AVEN: variants seen among roughly 807,000 people sequenced by gnomAD.
AVEN encodes the protein apoptosis and caspase activation inhibitor.
AVEN carries 41 observed loss-of-function variants against 38.1 expected under a neutral mutation model. The ratio of observed to expected loss-of-function variants is 1.08; its 90% CI spans 0.84 to 1.40. AVEN has a LOEUF of 1.40. AVEN is among the 40% of genes most tolerant of loss of function. AVEN has a pLI of 0.00. For missense variants in AVEN, 605 were observed against 438.8 expected, an observed-to-expected ratio of 1.38 and a Z score of -3.38; for synonymous variants, 206 against 171.8, an observed-to-expected ratio of 1.20 and a Z score of -1.56.
At chr15:33,894,897 C>G (rs1455511591) in intron 2 of AVEN, among the ~76,000 whole-genome samples, 1 of 150,276 alleles carries the variant, frequency 6.7e-6, no homozygotes, top group East Asian at 2.0e-4. Flanking sequence ...TTCCACACAA[C>G]TTTTTCCTAA....
At chr15:33,925,958 C>T (rs1238869612) in intron 2 of AVEN, among the ~76,000 whole-genome samples, 2 of 152,090 alleles carry the variant, frequency 1.3e-5, no homozygotes, top group Non-Finnish European at 2.9e-5. Context: ...ATGCCTTCTC[C>T]GCAAATGAAG....
intron 2 of AVEN, among the ~76,000 whole-genome samples, chr15:33,978,165 G>A (rs1029331164): frequency 2.6e-5 from 4 of 152,060 alleles, no homozygotes; most frequent in Admixed American, 2.6e-4. Context: ...CATGAAGAAA[G>A]AGGAAATTTC....
intron 5 of AVEN, among the ~76,000 whole-genome samples, chr15:34,048,700 GCAGC>G (rs1475183406): frequency 2.0e-5 from 3 of 152,146 alleles, no homozygotes; most frequent in Non-Finnish European, 4.4e-5. Flanking sequence ...CTACCAAAAA[GCAGC>G]CAGACTGCTT....
chr15:33,995,502 A>G (rs181119391), intron 2 of AVEN, among the ~76,000 whole-genome samples: 268 of 152,316 alleles, frequency 1.8e-3, no homozygotes, highest in Non-Finnish European at 2.8e-3. Context: ...TGGTATCCAC[A>G]GGCGTCCTGA....
exon 12 of AVEN, chr15:33,859,063 C>G (rs1294193070): frequency 6.5e-6 from 1 of 154,048 alleles, no homozygotes; most frequent in Non-Finnish European, 1.4e-5. Context: ...GGGTGCCCTG[C>G]TCAGGGAGCC....
At chr15:33,865,320 C>CAGCAACATATCTGAAATGTGAA, downstream of AVEN, 1 of 841,478 alleles carries the variant, frequency 1.2e-6, no homozygotes, top group African/African-American at 1.7e-5. Context: ...TGAAATGTGA[C>CAGCAACATATCTGAAATGTGAA]ATTTTCTAAA....
Position 34,001,179 on chromosome 15 carries a change from C to A in AVEN, c.445+1853G>T, listed in dbSNP as rs557857590. ...GGGATTACAGGTGCCCGCCACCACGCCCAGCTAATTTTTTGTGTTTTTAGT... is the reference window on the plus strand; with the variant it reads ...GGGATTACAGGTGCCCGCCACCACGACCAGCTAATTTTTTGTGTTTTTAGT... On this transcript the variant is annotated intron_variant, in intron 2 of 5. Coordinates refer to ENST00000306730, the MANE Select transcript of AVEN (RefSeq NM_020371.3). Among the ~76,000 whole-genome samples, 57 of 152,142 alleles carry A rather than the reference C, an allele frequency of 3.7e-4. No individual in the cohort carries two copies. In the Middle Eastern group the frequency reaches 0.014, roughly 36 times the overall value.
intron 1 of AVEN, chr15:34,007,056 G>A (rs185492454): frequency 1.2e-4 from 122 of 984,240 alleles, no homozygotes; most frequent in Middle Eastern, 5.2e-4. Context: ...CCTGGACATC[G>A]GTCACTGGTT....
At chr15:34,064,100 G>A (rs1474879981) in intron 4 of AVEN, 4 of 1,614,140 alleles carry the variant, frequency 2.5e-6, no homozygotes, top group Non-Finnish European at 2.5e-6. Context: ...ATAACATCAT[G>A]GTCCTGGTTT....
chr15:33,933,491 TCACACACACA>T (rs71974331), intron 2 of AVEN, among the ~76,000 whole-genome samples: 66 of 68,264 alleles, frequency 9.7e-4, no homozygotes, highest in African/African-American at 5.0e-3. Flanking sequence ...CCTCCAACAA[TCACACACACA>T]CACACACACA....
intron 2 of AVEN, among the ~76,000 whole-genome samples, chr15:33,892,592 G>A (rs1352694208): frequency 2.0e-5 from 3 of 152,178 alleles, no homozygotes; most frequent in African/African-American, 7.2e-5. Context: ...CTGTATCTCT[G>A]TTTTGGTACC....
rs191016109 is a variant in AVEN, at chr15:33,899,728, A to C, written c.446-23733T>G. ...TGATCCACCTGCCTTGGCCTCCCAA[A>C]GTGCTGAGATGACAGGCATGAGCCA... is the stretch of plus-strand genomic sequence containing the variant. On this transcript the variant is annotated intron_variant, in intron 2 of 5. Coordinates refer to ENST00000306730, the MANE Select transcript of AVEN (RefSeq NM_020371.3). 2.1e-4 allele frequency among the ~76,000 whole-genome samples: 32 copies of C among 152,172 alleles called. No individual in the cohort carries two copies. In the East Asian group the frequency reaches 5.0e-3, roughly 24 times the overall value.
intron 2 of AVEN, among the ~76,000 whole-genome samples, chr15:33,882,302 T>C (rs1891518772): frequency 1.3e-5 from 2 of 152,148 alleles, no homozygotes; most frequent in African/African-American, 4.8e-5. Context: ...GGAATCTGTT[T>C]AAAAGGGGGA....
intron 1 of AVEN, among the ~76,000 whole-genome samples, chr15:34,014,290 G>C (rs1366977155): frequency 6.8e-6 from 1 of 147,196 alleles, no homozygotes; most frequent in African/African-American, 2.5e-5. Context: ...CTTGAACCCA[G>C]GAGGCAGAGA....
rs71119922 is a variant in AVEN, at chr15:34,053,319, A to AATATATATATATAT, written n.1637+9589_1637+9602dup. On this transcript the variant is annotated intron_variant and non_coding_transcript_variant, in intron 5 of 11. Transcript: ENST00000675287. The stretch of plus-strand genomic sequence containing the variant: ...CATCTCAAAAAAAAAAAAAAAAAAA[A>AATATATATATATAT]ATATATATATATATATATATATATG... Among the ~76,000 whole-genome samples the AATATATATATATAT allele has an allele frequency of 1.2e-3, 50 of 42,052 alleles. 1 individual carries two copies. Among genetic ancestry groups the AATATATATATATAT allele is most frequent in the African/African-American group, 3.3e-3 (42 of 12,558 alleles). 27.6% of individuals were successfully genotyped at this position (42,052 alleles called of 152,430 possible). A position where few individuals can be genotyped will look rare whatever the true frequency, so the allele number is the denominator to read the frequency against.
At position 34,063,690 on chromosome 15, in the gene AVEN, T is replaced by C. The variant is rs779012334; in HGVS notation, n.1127-258A>G. 2 of 1,614,188 alleles carry C rather than the reference T, an allele frequency of 1.2e-6. No individual in the cohort carries two copies. Among genetic ancestry groups the C allele is most frequent in the Admixed American group, 3.3e-5 (2 of 60,028 alleles). ...CACTGACCCTGTCCTCCAAGTGGTC[T>C]ACAAGAGTCAGGGTAAGGAAAGCCC... On this transcript the variant is annotated intron_variant and non_coding_transcript_variant, in intron 4 of 11. Transcript: ENST00000675287. The surrounding 1 kb of genome is among the most constrained non-coding windows in gnomAD (Gnocchi z 4.1).
chr15:33,930,362 C>A (rs1421917271), intron 2 of AVEN, among the ~76,000 whole-genome samples: 2 of 151,330 alleles, frequency 1.3e-5, no homozygotes, highest in African/African-American at 4.9e-5. Context: ...AAAATGTAAT[C>A]CTTAAAGAGA....
At chr15:34,019,558 C>G (rs186812223) in intron 1 of AVEN, among the ~76,000 whole-genome samples, 1 of 152,222 alleles carries the variant, frequency 6.6e-6, no homozygotes, top group Non-Finnish European at 1.5e-5. Context: ...TCACTCAGAG[C>G]AACTTTCAGT....
chr15:33,931,181 C>T (rs989524957), intron 2 of AVEN, among the ~76,000 whole-genome samples: 4 of 151,926 alleles, frequency 2.6e-5, no homozygotes, highest in Non-Finnish European at 4.4e-5. Context: ...AACCATGCTC[C>T]CTTGTTAAGA....
Sources: gnomAD v4.1 joint callset for allele counts (sites outside exome capture counted in the v4.1 genomes callset) on GRCh38, gnomAD v4.1.1 for gene constraint, Gnocchi (gnomAD v3.1) non-coding constraint, MANE v1.5 for transcripts, NCBI Gene and HGNC (gene_info 2026-07-23, HGNC 2026-07-21) for gene names.